ROCK2: variants seen among roughly 807,000 people sequenced by gnomAD.
ROCK2 encodes Rho associated coiled-coil containing protein kinase 2.
Under a neutral mutation model 195.1 loss-of-function variants are expected in ROCK2, and 61 were observed. That is an observed-to-expected ratio of 0.31 (90% CI 0.25 to 0.39). ROCK2 has a LOEUF of 0.39. ROCK2 is among the 10% of genes least tolerant of loss of function. The pLI is 1.00. For synonymous variants in ROCK2, 504 were observed against 545.5 expected (o/e 0.92, Z 1.06); for missense variants, 1,109 against 1,637.4 (o/e 0.68, Z 5.57).
chr2:11,246,506 G>C (rs972692176), intron 4 of ROCK2, among the ~76,000 whole-genome samples: 1 of 151,948 alleles, frequency 6.6e-6, no homozygotes, highest in African/African-American at 2.4e-5. Context: ...GAAAAACACA[G>C]CAAACTGGAT....
intron 3 of ROCK2, among the ~76,000 whole-genome samples, chr2:11,269,603 C>T (rs1444499407): frequency 6.6e-6 from 1 of 151,082 alleles, no homozygotes; most frequent in Non-Finnish European, 1.5e-5. Flanking sequence ...TTTTTGTTTT[C>T]TTTGAATGGC....
chr2:11,221,298 T>G lies in ROCK2; in HGVS notation c.1159A>C (p.Ile387Leu), dbSNP rs377480951. ...TCTACATCTCCTTTGTCATCTTCAA[T>G]GTCATCGAAATTGCTGCTGTCTATG... is the stretch of plus-strand genomic sequence containing the variant. Reference protein sequence around the residue: ...SDIDSSNFDDIEDDKGDVETF... With the variant: ...SDIDSSNFDDLEDDKGDVETF... Residue 387 changes from isoleucine (I) to leucine (L), a missense_variant, in exon 9 of 33, where the codon ATT (isoleucine) becomes CTT (leucine). Transcript: ENST00000315872. 5.1e-5 allele frequency: 81 copies of G among 1,592,352 alleles called. No individual in the cohort carries two copies. In the East Asian group the frequency reaches 9.0e-4, roughly 18 times the overall value.
At chr2:11,227,878 G>GA (rs1266879796) in intron 5 of ROCK2, among the ~76,000 whole-genome samples, 6 of 151,474 alleles carry the variant, frequency 4.0e-5, no homozygotes, top group Admixed American at 3.3e-4. Context: ...GTATTACCAA[G>GA]AAAAAAAATG....
chr2:11,290,873 T>A (rs958037767), intron 1 of ROCK2, among the ~76,000 whole-genome samples: 4 of 152,038 alleles, frequency 2.6e-5, no homozygotes, highest in African/African-American at 9.7e-5. Flanking sequence ...TTCATATGAA[T>A]CTGCATCACT....
rs111685837 is a variant in ROCK2 at position 11,344,351 on chromosome 2, T to G, written c.-215A>C. 3.4e-6 allele frequency: 3 copies of G among 893,040 alleles called. No individual in the cohort carries two copies. The highest frequency in any genetic ancestry group is 1.4e-6 in the Non-Finnish European group (1 of 713,194). The allele number at this position is 893,040 out of a possible 1,614,324, so 55.3% of individuals were successfully genotyped here. A position where few individuals can be genotyped will look rare whatever the true frequency, so the allele number is the denominator to read the frequency against. ...AGCCCGGCCCAGCCCGGCCCGGCCC[T>G]GCCGGGAGCGGCGGGGAACAGACGG... On this transcript the variant is annotated 5_prime_UTR_variant, in exon 1 of 33. Transcript: ENST00000315872. The surrounding 1 kb of genome is among the most constrained non-coding windows in gnomAD (Gnocchi z 5.4).
intron 1 of ROCK2, among the ~76,000 whole-genome samples, chr2:11,313,872 C>A (rs1668113368): frequency 6.6e-6 from 1 of 151,726 alleles, no homozygotes; most frequent in African/African-American, 2.4e-5. Context: ...CTTTTAAAAG[C>A]ATTTTTTACA....
intron 1 of ROCK2, among the ~76,000 whole-genome samples, chr2:11,343,467 T>C (rs181624564): frequency 9.7e-4 from 147 of 152,256 alleles, no homozygotes; most frequent in Admixed American, 1.3e-3. Context: ...AAATAGCAAG[T>C]ATGGAATGCT....
At chr2:11,321,889 T>A (rs1668411210) in intron 1 of ROCK2, among the ~76,000 whole-genome samples, 1 of 152,176 alleles carries the variant, frequency 6.6e-6, no homozygotes, top group Admixed American at 6.5e-5. Flanking sequence ...GTTGAAGTCC[T>A]AACTCCCAGT....
intron 4 of ROCK2, among the ~76,000 whole-genome samples, chr2:11,241,273 C>CA (rs1321637589): frequency 1.3e-5 from 2 of 151,552 alleles, no homozygotes; most frequent in East Asian, 1.9e-4. Flanking sequence ...AAGGACATAG[C>CA]AAAAAAACTA....
intron 1 of ROCK2, among the ~76,000 whole-genome samples, chr2:11,299,333 C>A (rs535593309): frequency 6.6e-6 from 1 of 151,656 alleles, no homozygotes; most frequent in Non-Finnish European, 1.5e-5. Flanking sequence ...CCACAGACAT[C>A]ATCTTCAATT....
At chr2:11,254,259 A>G (rs892692113) in intron 3 of ROCK2, among the ~76,000 whole-genome samples, 1 of 152,216 alleles carries the variant, frequency 6.6e-6, no homozygotes. Context: ...AATTCCTGAG[A>G]GAAGAGAAAC....
At chr2:11,305,433 CTG>C (rs987617059) in intron 1 of ROCK2, among the ~76,000 whole-genome samples, 6 of 123,000 alleles carry the variant, frequency 4.9e-5, no homozygotes, top group African/African-American at 1.5e-4. Context: ...AGATAAATGT[CTG>C]TGTGGGTGTA....
Position 11,249,660 on chromosome 2 carries a change from C to A in ROCK2, c.462+1G>T. The A allele has an allele frequency of 1.3e-6, 2 of 1,495,162 alleles. No individual in the cohort carries two copies. Among genetic ancestry groups the A allele is most frequent in the Non-Finnish European group, 1.8e-6 (2 of 1,127,590 alleles). 92.6% of individuals were successfully genotyped at this position (1,495,162 alleles called of 1,614,324 possible). ...AAACTTATAAAAGTTAGTATGCTTA[C>A]CTGAACCACCCAGGGGCTATTGGCA... On this transcript the variant is annotated splice_donor_variant, in intron 4 of 32. Coordinates refer to ENST00000315872, the MANE Select transcript of ROCK2 (RefSeq NM_004850.5). LOFTEE classifies it high-confidence loss of function.
At chr2:11,321,725 A>G (rs1423640864) in intron 1 of ROCK2, among the ~76,000 whole-genome samples, 2 of 152,098 alleles carry the variant, frequency 1.3e-5, no homozygotes, top group Non-Finnish European at 2.9e-5. Context: ...ATCACAACAA[A>G]AACTCGATCA....
chr2:11,296,381 C>T (rs1428819863), intron 1 of ROCK2, among the ~76,000 whole-genome samples: 1 of 152,144 alleles, frequency 6.6e-6, no homozygotes, highest in Admixed American at 6.5e-5. Context: ...AAGAAACAGT[C>T]TTCCCAGCCT....
intron 13 of ROCK2, 57 bp from the exon 14 acceptor site, chr2:11,215,702 C>A: frequency 2.1e-6 from 3 of 1,416,480 alleles, no homozygotes; most frequent in Admixed American, 2.5e-5. Context: ...GAAATCAAAA[C>A]AAAAAATACT....
chr2:11,189,915 G>A (rs183023463), intron 32 of ROCK2, among the ~76,000 whole-genome samples: 5 of 151,962 alleles, frequency 3.3e-5, no homozygotes, highest in Non-Finnish European at 5.9e-5. Flanking sequence ...TAATCAGTTG[G>A]GCCTGGGAGG....
At chr2:11,225,216 G>A (rs1246966196) in intron 6 of ROCK2, among the ~76,000 whole-genome samples, 1 of 152,140 alleles carries the variant, frequency 6.6e-6, no homozygotes, top group Non-Finnish European at 1.5e-5. Context: ...CAAGTATAAA[G>A]ATGGAAAATG....
At chr2:11,321,312 A>C (rs1013034730) in intron 1 of ROCK2, among the ~76,000 whole-genome samples, 1 of 151,950 alleles carries the variant, frequency 6.6e-6, no homozygotes, top group Admixed American at 6.5e-5. Context: ...AGTAGCTGGA[A>C]CTACAGGTGC....
Sources: allele counts gnomAD v4.1 joint callset (sites outside exome capture counted in the v4.1 genomes callset), GRCh38; gene constraint gnomAD v4.1.1; non-coding constraint Gnocchi (gnomAD v3.1); transcripts MANE v1.5; gene names NCBI Gene and HGNC (gene_info 2026-07-23, HGNC 2026-07-21).